CNBD1: variants seen among roughly 807,000 people sequenced by gnomAD.
The protein encoded by CNBD1 is cyclic nucleotide-binding domain-containing protein 1.
In CNBD1, 71 loss-of-function variants were observed where a neutral mutation model predicts 54.4. That is an observed-to-expected ratio of 1.30 (90% CI 1.08 to 1.59). The LOEUF (loss-of-function observed/expected upper bound fraction) is 1.59. Ranked by LOEUF, CNBD1 falls within the 40% of genes most tolerant of loss-of-function variation. The pLI, the probability that CNBD1 is intolerant of heterozygous loss-of-function variation, is 0.00. For missense variants in CNBD1, 659 were observed against 518.0 expected, an observed-to-expected ratio of 1.27 and a Z score of -2.64; for synonymous variants, 182 against 170.7, an observed-to-expected ratio of 1.07 and a Z score of -0.51.
chr8:87,146,299 C>A (rs1812485812), intron 4 of CNBD1, among the ~76,000 whole-genome samples: 1 of 152,030 alleles, frequency 6.6e-6, no homozygotes, highest in African/African-American at 2.4e-5. Context: ...AAATGTTAAT[C>A]AAATTATCTA....
chr8:87,172,282 G>A lies in CNBD1; in HGVS notation c.432-33711G>A, dbSNP rs377496825. Among the ~76,000 whole-genome samples, 19 of 152,154 alleles carry A rather than the reference G, an allele frequency of 1.2e-4. No individual in the cohort carries two copies. In the East Asian group the frequency reaches 3.1e-3, roughly 25 times the overall value. On this transcript the variant is annotated intron_variant, in intron 4 of 10. Transcript: ENST00000518476. ...CTGAATGTTTTAAGACTGGTTTTGT[G>A]ACCTACATATGGTCACATGTCAAGA...
At chr8:86,998,173 C>T (rs550210511) in intron 4 of CNBD1, among the ~76,000 whole-genome samples, 1 of 151,448 alleles carries the variant, frequency 6.6e-6, no homozygotes, top group East Asian at 1.9e-4. Context: ...TCACAATGTT[C>T]TCATAACTAC....
At chr8:86,882,776 C>T (rs1212061691) in intron 1 of CNBD1, among the ~76,000 whole-genome samples, 6 of 152,126 alleles carry the variant, frequency 3.9e-5, no homozygotes, top group Non-Finnish European at 8.8e-5. Flanking sequence ...AACCTAAATG[C>T]CCATCAATGA....
intron 4 of CNBD1, among the ~76,000 whole-genome samples, chr8:87,072,307 A>G (rs1554552036): frequency 5.9e-5 from 9 of 152,134 alleles, no homozygotes; most frequent in Non-Finnish European, 1.3e-4. Context: ...ATTTACATAT[A>G]AAGTAAGTAT....
intron 3 of CNBD1, among the ~76,000 whole-genome samples, chr8:86,931,158 T>A (rs1809450604): frequency 6.6e-6 from 1 of 152,196 alleles, no homozygotes; most frequent in Non-Finnish European, 1.5e-5. Flanking sequence ...AAATACCTGG[T>A]TACAGGCTGT....
chr8:87,171,714 C>T (rs1813091606), intron 4 of CNBD1, among the ~76,000 whole-genome samples: 1 of 151,936 alleles, frequency 6.6e-6, no homozygotes, highest in African/African-American at 2.4e-5. Flanking sequence ...TCTCAGCTCA[C>T]TGAAACCTTC....
At chr8:86,873,760 T>C (rs1808475871) in intron 1 of CNBD1, among the ~76,000 whole-genome samples, 2 of 152,186 alleles carry the variant, frequency 1.3e-5, no homozygotes, top group Non-Finnish European at 2.9e-5. Flanking sequence ...TTTTTCTAAC[T>C]GTAAAGTCAG....
At chr8:87,018,511 C>T (rs981233541) in intron 4 of CNBD1, among the ~76,000 whole-genome samples, 2 of 152,058 alleles carry the variant, frequency 1.3e-5, no homozygotes, top group Non-Finnish European at 2.9e-5. Flanking sequence ...CTAAAAAGTA[C>T]TACATTATAA....
intron 10 of CNBD1, among the ~76,000 whole-genome samples, chr8:87,368,443 C>T (rs1810688374): frequency 6.6e-6 from 1 of 151,868 alleles, no homozygotes; most frequent in South Asian, 2.1e-4. Context: ...GGAGACTAGA[C>T]TGGGCAACAT....
chr8:87,149,620 G>A (rs1246916130), intron 4 of CNBD1, among the ~76,000 whole-genome samples: 2 of 152,094 alleles, frequency 1.3e-5, no homozygotes, highest in Non-Finnish European at 2.9e-5. Context: ...TGACTCTCTT[G>A]AGCATATATA....
At chr8:87,000,537 A>G (rs1287794198) in intron 4 of CNBD1, among the ~76,000 whole-genome samples, 1 of 152,228 alleles carries the variant, frequency 6.6e-6, no homozygotes, top group Non-Finnish European at 1.5e-5. Context: ...TCTCATATGT[A>G]GTTAAGTGAA....
intron 4 of CNBD1, among the ~76,000 whole-genome samples, chr8:87,057,866 GAC>G (rs552271045): frequency 1.3e-5 from 2 of 150,534 alleles, no homozygotes; most frequent in Non-Finnish European, 1.5e-5. Context: ...GATAAACAAA[GAC>G]ACACACACAC....
At chr8:87,354,711 C>T (rs1449866100) in intron 10 of CNBD1, among the ~76,000 whole-genome samples, 1 of 152,114 alleles carries the variant, frequency 6.6e-6, no homozygotes, top group Non-Finnish European at 1.5e-5. Flanking sequence ...CCAGCTTCAT[C>T]CATGTCCCTA....
chr8:87,011,826 A>C (rs1809228927), intron 4 of CNBD1, among the ~76,000 whole-genome samples: 1 of 152,196 alleles, frequency 6.6e-6, no homozygotes, highest in South Asian at 2.1e-4. Flanking sequence ...ACTCTGGAGA[A>C]GATAAACAAA....
intron 4 of CNBD1, among the ~76,000 whole-genome samples, chr8:86,946,442 TTATAA>T (rs1436468865): frequency 1.3e-5 from 2 of 152,112 alleles, no homozygotes; most frequent in African/African-American, 4.8e-5. Context: ...CAAACATCTA[TTATAA>T]TATTTCTTAT....
intron 6 of CNBD1, among the ~76,000 whole-genome samples, chr8:87,260,084 A>T (rs1808105444): frequency 6.6e-6 from 1 of 152,166 alleles, no homozygotes; most frequent in African/African-American, 2.4e-5. Context: ...GAAAGGGAAA[A>T]AATCTTAGCT....
chr8:87,153,195 G>A (rs1812643428), intron 4 of CNBD1, among the ~76,000 whole-genome samples: 1 of 152,078 alleles, frequency 6.6e-6, no homozygotes, highest in Admixed American at 6.5e-5. Context: ...ATATTGAAAG[G>A]TGATGGAGAA....
chr8:87,218,771 T>C (rs1295478845), intron 5 of CNBD1, among the ~76,000 whole-genome samples: 2 of 152,022 alleles, frequency 1.3e-5, no homozygotes, highest in African/African-American at 4.8e-5. Context: ...AAAATGGAGC[T>C]AAAATTGTCC....
At chr8:87,276,983 T>A (rs1206894753) in intron 6 of CNBD1, among the ~76,000 whole-genome samples, 2 of 151,674 alleles carry the variant, frequency 1.3e-5, no homozygotes, top group Non-Finnish European at 2.9e-5. Context: ...ATAATTATTT[T>A]TTTTTTTTGA....
Sources: gnomAD v4.1 joint callset for allele counts (sites outside exome capture counted in the v4.1 genomes callset) on GRCh38, gnomAD v4.1.1 for gene constraint, MANE v1.5 for transcripts, NCBI Gene and HGNC (gene_info 2026-07-23, HGNC 2026-07-21) for gene names.